Variants in HEPACAM2 observed in about 807,000 individuals in gnomAD.
HEPACAM2 encodes the protein HEPACAM family member 2, also known as mitotic kinetics regulator.
A neutral mutation model predicts 49.6 loss-of-function variants in HEPACAM2; 49 were observed. The observed-to-expected ratio is 0.99, with a 90% CI of 0.78 to 1.25. The LOEUF is 1.25. Among genes scored for constraint, HEPACAM2 ranks in the 50% most tolerant of loss-of-function variants. The pLI, the probability that HEPACAM2 is intolerant of heterozygous loss-of-function variation, is 0.00. For synonymous variants in HEPACAM2, 197 were observed against 202.9 expected (o/e 0.97, Z 0.25); for missense variants, 525 against 557.2 (o/e 0.94, Z 0.58).
chr7:93,190,770 G>GT (rs141181458), intron 9 of HEPACAM2, among the ~76,000 whole-genome samples: 2,100 of 147,174 alleles, frequency 0.014, 43 homozygotes, highest in African/African-American at 0.047. Flanking sequence ...TTCAAAGGGT[G>GT]TTTTTTTTTT....
At chr7:93,221,927 T>G (rs1414482320) in intron 1 of HEPACAM2, among the ~76,000 whole-genome samples, 2 of 152,302 alleles carry the variant, frequency 1.3e-5, no homozygotes, top group East Asian at 3.9e-4. Flanking sequence ...GTAAGACTAT[T>G]AAATCTGGAA....
intron 4 of HEPACAM2, among the ~76,000 whole-genome samples, chr7:93,203,076 A>T (rs1793936853): frequency 6.6e-6 from 1 of 152,098 alleles, no homozygotes; most frequent in African/African-American, 2.4e-5. Context: ...TTTGCCCTAC[A>T]TCAGAGAGCT....
chr7:93,225,857 A>T (rs1018341315), intron 1 of HEPACAM2: 3 of 1,131,046 alleles, frequency 2.7e-6, no homozygotes, highest in African/African-American at 1.6e-5. Context: ...TGTGTAGGAA[A>T]TTTTTTTGTT....
chr7:93,194,762 C>G (rs182879153), intron 8 of HEPACAM2, among the ~76,000 whole-genome samples: 1 of 152,194 alleles, frequency 6.6e-6, no homozygotes, highest in East Asian at 1.9e-4. Flanking sequence ...AGCAAGTAAT[C>G]TGTTTTTATG....
rs770077773 is a variant in HEPACAM2, at chr7:93,189,230, G to A, written c.*37C>T. 6.4e-7 allele frequency: 1 copy of A among 1,569,928 alleles called. No individual in the cohort carries two copies. The highest frequency in any genetic ancestry group is 1.7e-5 in the Admixed American group (1 of 57,712). On this transcript the variant is annotated 3_prime_UTR_variant, in exon 10 of 10. Coordinates refer to ENST00000394468, the MANE Select transcript of HEPACAM2 (RefSeq NM_001039372.4). ...TGTTTTTCCTTAAAATGTTTCTTCA[G>A]AATTTCACTCGAATGTACTGTTTAG...
At chr7:93,201,183 G>A (rs182915258) in intron 4 of HEPACAM2, among the ~76,000 whole-genome samples, 1 of 152,104 alleles carries the variant, frequency 6.6e-6, no homozygotes, top group East Asian at 1.9e-4. Context: ...ATATAGCTAT[G>A]CTAGCTTTCT....
chr7:93,192,337 A>T lies in HEPACAM2; in HGVS notation c.1302T>A (p.Ser434=), dbSNP rs1195975585. ...SRIPSRSVPA[S]DCVSGQDLHS... is the part of the protein sequence containing the mutation. ...GCAAATCTTGCCCCGATACACAATCAGAGGCTGGAACAGACCTGCTTGGGA... is the reference window on the plus strand; with the variant it reads ...GCAAATCTTGCCCCGATACACAATCTGAGGCTGGAACAGACCTGCTTGGGA... The change falls in exon 9 of 10, where the codon TCT becomes TCA. Residue 434 remains serine (S), a synonymous_variant. Coordinates refer to ENST00000394468, the MANE Select transcript of HEPACAM2 (RefSeq NM_001039372.4). The T allele has an allele frequency of 6.2e-7, 1 of 1,612,650 alleles. No homozygotes were observed. Among genetic ancestry groups the T allele is most frequent in the Admixed American group, 1.7e-5 (1 of 59,914 alleles).
chr7:93,206,763 A>G (rs1794039692), intron 4 of HEPACAM2, among the ~76,000 whole-genome samples: 1 of 152,094 alleles, frequency 6.6e-6, no homozygotes, highest in Admixed American at 6.6e-5. Flanking sequence ...CTTCATATGA[A>G]AAAACCCCCA....
At chr7:93,230,183 A>AT (rs1268393277), upstream of HEPACAM2, among the ~76,000 whole-genome samples, 1 of 152,178 alleles carries the variant, frequency 6.6e-6, no homozygotes, top group Non-Finnish European at 1.5e-5. Flanking sequence ...CACATATTAG[A>AT]TAAAAAAAAC....
At chr7:93,217,442 T>C (rs888757595) in intron 2 of HEPACAM2, among the ~76,000 whole-genome samples, 3 of 152,212 alleles carry the variant, frequency 2.0e-5, no homozygotes, top group African/African-American at 7.2e-5. Flanking sequence ...GCAACTTTAC[T>C]ACTGATTCAC....
chr7:93,208,757 T>A lies in HEPACAM2; in HGVS notation c.835A>T (p.Thr279Ser). 1.2e-6 allele frequency: 2 copies of A among 1,613,024 alleles called. No homozygotes were observed. Among genetic ancestry groups the A allele is most frequent in the Non-Finnish European group, 1.7e-6 (2 of 1,179,398 alleles). ...DCSADSHPPN[T>S]YSWIRRTDNT... ...TCAGTCCTCCTAATCCAGGAGTAGG[T>A]GTTGGGGGGATGAGAATCAGCAGAA... The change falls in exon 4 of 10, where the codon ACC becomes TCC. Residue 279 changes from threonine to serine, a missense_variant. Coordinates refer to ENST00000394468, the MANE Select transcript of HEPACAM2 (RefSeq NM_001039372.4).
intron 3 of HEPACAM2, 152 bp downstream of exon 3, chr7:93,215,249 C>G (rs2116703041): frequency 3.0e-6 from 2 of 657,412 alleles, no homozygotes; most frequent in Non-Finnish European, 5.2e-6. Flanking sequence ...TCATACAAGA[C>G]AGTGCCTAGG....
intron 9 of HEPACAM2, among the ~76,000 whole-genome samples, chr7:93,191,090 A>C (rs1161181287): frequency 6.6e-6 from 1 of 152,040 alleles, no homozygotes; most frequent in African/African-American, 2.4e-5. Context: ...AACTTCCCCT[A>C]GTTTTCTATT....
At chr7:93,198,463 G>A (rs781548728) in intron 4 of HEPACAM2, among the ~76,000 whole-genome samples, 2 of 152,064 alleles carry the variant, frequency 1.3e-5, no homozygotes, top group Admixed American at 6.6e-5. Flanking sequence ...ACTTAATGAT[G>A]CCTCCCTTTA....
intron 4 of HEPACAM2, among the ~76,000 whole-genome samples, chr7:93,200,454 G>GA (rs1340838162): frequency 6.6e-6 from 1 of 152,018 alleles, no homozygotes; most frequent in East Asian, 1.9e-4. Context: ...TTTCTGGTCA[G>GA]AAAAATATCA....
intron 1 of HEPACAM2, among the ~76,000 whole-genome samples, chr7:93,223,882 A>C (rs1794495165): frequency 6.6e-6 from 1 of 152,194 alleles, no homozygotes; most frequent in Non-Finnish European, 1.5e-5. Flanking sequence ...AAATTTGGGA[A>C]TAAACAGATA....
chr7:93,192,535 T>C (rs1437921236), intron 8 of HEPACAM2, among the ~76,000 whole-genome samples, 172 bp from the exon 9 acceptor site: 2 of 152,088 alleles, frequency 1.3e-5, no homozygotes, highest in Non-Finnish European at 2.9e-5. Flanking sequence ...ACTTACCCTA[T>C]GGCAGTTTGT....
chr7:93,209,593 C>G (rs972902555), intron 3 of HEPACAM2, among the ~76,000 whole-genome samples: 1 of 151,630 alleles, frequency 6.6e-6, no homozygotes, highest in Non-Finnish European at 1.5e-5. Context: ...TTTTGGCTAC[C>G]CCCCACCACC....
chr7:93,222,873 A>G (rs1420343041), intron 1 of HEPACAM2, among the ~76,000 whole-genome samples: 1 of 152,168 alleles, frequency 6.6e-6, no homozygotes, highest in Non-Finnish European at 1.5e-5. Flanking sequence ...GGCCTAAATA[A>G]TTTTGAAGAA....
Sources: gnomAD v4.1 joint callset for allele counts (sites outside exome capture counted in the v4.1 genomes callset) on GRCh38, gnomAD v4.1.1 for gene constraint, MANE v1.5 for transcripts, NCBI Gene and HGNC (gene_info 2026-07-23, HGNC 2026-07-21) for gene names.